BEND6: variants seen among roughly 807,000 people sequenced by gnomAD.
BEND6 encodes BEN domain-containing protein 6.
In BEND6, 24 loss-of-function variants were observed where a neutral mutation model predicts 31.8. The observed-to-expected ratio is 0.75, with a 90% confidence interval of 0.55 to 1.06. The LOEUF is 1.06. Ranked by LOEUF, BEND6 falls within the 50% of genes least tolerant of loss-of-function variation. The pLI is 0.00. For synonymous variants in BEND6, 109 were observed against 114.6 expected (o/e 0.95, Z 0.31); for missense variants, 294 against 327.4 (o/e 0.90, Z 0.79).
chr6:56,992,287 T>A (rs769089767), intron 2 of BEND6, 91 bp from the exon 3 acceptor site: 1 of 1,367,836 alleles, frequency 7.3e-7, no homozygotes, highest in Non-Finnish European at 9.8e-7. Flanking sequence ...AACAAGAAAT[T>A]TGTAGTCCCA....
At position 57,021,425 on chromosome 6, in the gene BEND6, T is replaced by G. The variant is rs1330782094; in HGVS notation, c.*9+2868T>G. Among the ~76,000 whole-genome samples the G allele has an allele frequency of 3.3e-5, 5 of 152,198 alleles. No individual in the cohort carries two copies. In the East Asian group the frequency reaches 9.6e-4, roughly 29 times the overall value. On this transcript the variant is annotated intron_variant, in intron 6 of 6. Coordinates refer to ENST00000370746, the MANE Select transcript of BEND6 (RefSeq NM_152731.3). ...ATGGTCCCTGTGGTAGACCGTGCCCTCCACTCAGTCCTGAGCTCAGGTTGT... is the reference window on the plus strand; with the variant it reads ...ATGGTCCCTGTGGTAGACCGTGCCCGCCACTCAGTCCTGAGCTCAGGTTGT...
At chr6:57,012,450 C>T (rs1173309799) in intron 3 of BEND6, among the ~76,000 whole-genome samples, 2 of 152,176 alleles carry the variant, frequency 1.3e-5, no homozygotes, top group Non-Finnish European at 2.9e-5. Flanking sequence ...AAGGAACATT[C>T]TGGGAGGATG....
chr6:56,987,166 G>A (rs544458687), intron 2 of BEND6, among the ~76,000 whole-genome samples: 1 of 151,966 alleles, frequency 6.6e-6, no homozygotes, highest in South Asian at 2.1e-4. Context: ...TTTTAGTAGA[G>A]ACGAGGTTTC....
chr6:56,969,303 A>G (rs1205063822), intron 1 of BEND6, among the ~76,000 whole-genome samples: 2 of 152,188 alleles, frequency 1.3e-5, no homozygotes, highest in African/African-American at 4.8e-5. Context: ...CCTCGAGAAC[A>G]TATATAACTA....
intron 3 of BEND6, chr6:57,009,604 G>T (rs966689983): frequency 9.9e-5 from 15 of 152,192 alleles, no homozygotes; most frequent in African/African-American, 3.4e-4. Flanking sequence ...TATACAAAAT[G>T]AGACTTGTGA....
intron 3 of BEND6, among the ~76,000 whole-genome samples, chr6:57,001,651 G>T (rs1282239925): frequency 6.6e-6 from 1 of 152,106 alleles, no homozygotes; most frequent in East Asian, 1.9e-4. Context: ...AAGCTTCATC[G>T]GTGAAGGAGA....
chr6:57,014,480 C>T (rs919074516), intron 3 of BEND6: 20 of 1,522,054 alleles, frequency 1.3e-5, no homozygotes, highest in Non-Finnish European at 1.6e-5. Flanking sequence ...CTAGATATAA[C>T]AACAGAGAAG....
intron 3 of BEND6, among the ~76,000 whole-genome samples, chr6:57,000,611 A>G (rs1217544740): frequency 6.6e-6 from 1 of 150,816 alleles, no homozygotes; most frequent in African/African-American, 2.4e-5. Context: ...ATAAATAACA[A>G]GAATCCAAAA....
At chr6:57,004,266 A>T (rs1827063920) in intron 3 of BEND6, among the ~76,000 whole-genome samples, 1 of 152,216 alleles carries the variant, frequency 6.6e-6, no homozygotes, top group Admixed American at 6.5e-5. Context: ...AGTCTATACT[A>T]GAAAACCTTG....
At chr6:57,011,289 G>A (rs1460744753) in intron 3 of BEND6, among the ~76,000 whole-genome samples, 1 of 152,160 alleles carries the variant, frequency 6.6e-6, no homozygotes, top group African/African-American at 2.4e-5. Flanking sequence ...AATCTTTCTA[G>A]AGAGCAATTC....
chr6:56,987,753 C>A (rs560215163), intron 2 of BEND6, among the ~76,000 whole-genome samples: 1 of 152,096 alleles, frequency 6.6e-6, no homozygotes, highest in Non-Finnish European at 1.5e-5. Context: ...CTTCTACTCT[C>A]AGGTTAATTC....
At chr6:56,960,957 A>T (rs766371481) in intron 1 of BEND6, among the ~76,000 whole-genome samples, 3 of 152,176 alleles carry the variant, frequency 2.0e-5, no homozygotes, top group Non-Finnish European at 2.9e-5. Context: ...GAAAGCCATT[A>T]ACCTAAAGCC....
At chr6:56,966,862 G>A (rs1825498940) in intron 1 of BEND6, among the ~76,000 whole-genome samples, 1 of 152,094 alleles carries the variant, frequency 6.6e-6, no homozygotes, top group Non-Finnish European at 1.5e-5. Flanking sequence ...GCAATACTAG[G>A]GGTATTGATC....
At chr6:56,985,669 T>C (rs1826241881) in intron 2 of BEND6, among the ~76,000 whole-genome samples, 1 of 152,176 alleles carries the variant, frequency 6.6e-6, no homozygotes, top group Admixed American at 6.5e-5. Context: ...AGCTGACAAC[T>C]ATGAGCCCAG....
intron 6 of BEND6, among the ~76,000 whole-genome samples, chr6:57,020,487 C>T (rs1382488203): frequency 6.6e-6 from 1 of 152,152 alleles, no homozygotes; most frequent in African/African-American, 2.4e-5. Context: ...GTGGCGCGAT[C>T]TCTGCTCACT....
At chr6:56,976,080 G>T (rs967821755) in intron 1 of BEND6, 4 of 330,808 alleles carry the variant, frequency 1.2e-5, no homozygotes. Context: ...GACAGCAAGG[G>T]CCATTCTCAG....
Position 56,969,030 on chromosome 6 carries a change from C to T in BEND6, c.-100-12681C>T, listed in dbSNP as rs188760045. Among the ~76,000 whole-genome samples, 963 of 151,204 alleles carry T rather than the reference C, an allele frequency of 6.4e-3. 10 individuals are homozygous for T. Among genetic ancestry groups the T allele is most frequent in the African/African-American group, 0.022 (923 of 41,162 alleles). ...GCGGAGGTTGTGTGAGCAGAGATGG[C>T]GCCACTGCACTCCAGCCTGGGAGAC... On this transcript the variant is annotated intron_variant, in intron 1 of 6. Coordinates refer to ENST00000370746, the MANE Select transcript of BEND6 (RefSeq NM_152731.3).
intron 2 of BEND6, among the ~76,000 whole-genome samples, chr6:56,985,256 A>G (rs1826216243): frequency 6.6e-6 from 1 of 152,152 alleles, no homozygotes; most frequent in South Asian, 2.1e-4. Flanking sequence ...TCAATTTTGG[A>G]CTAGTTATGA....
chr6:57,019,106 T>C (rs140530693), intron 6 of BEND6, among the ~76,000 whole-genome samples: 1,561 of 152,326 alleles, frequency 0.01, 21 homozygotes, highest in Non-Finnish European at 0.012. Flanking sequence ...CTTCGCATGG[T>C]CTTTAAATTT....
Sources: allele counts gnomAD v4.1 joint callset (sites outside exome capture counted in the v4.1 genomes callset), GRCh38; gene constraint gnomAD v4.1.1; transcripts MANE v1.5; gene names NCBI Gene and HGNC (gene_info 2026-07-23, HGNC 2026-07-21).